Variants in PDCD4 observed in about 807,000 individuals in gnomAD.
PDCD4 encodes the protein programmed cell death 4, also known as programmed cell death protein 4.
A neutral mutation model predicts 54.0 loss-of-function variants in PDCD4; 56 were observed. The observed-to-expected ratio is 1.04, with a 90% CI of 0.84 to 1.30. The LOEUF (loss-of-function observed/expected upper bound fraction) is 1.30, where lower values mean the gene tolerates loss of function less well. Ranked by LOEUF, PDCD4 falls within the 50% of genes most tolerant of loss-of-function variation. The pLI is 0.00. For missense variants in PDCD4, 584 were observed against 559.8 expected, an observed-to-expected ratio of 1.04 and a Z score of -0.44; for synonymous variants, 186 against 194.8, an observed-to-expected ratio of 0.95 and a Z score of 0.37.
chr10:110,880,307 G>T (rs1845571201), intron 2 of PDCD4: 1 of 152,234 alleles, frequency 6.6e-6, no homozygotes. Context: ...TGAGCAATTA[G>T]TGTTCCTGTA....
intron 1 of PDCD4, among the ~76,000 whole-genome samples, chr10:110,875,191 A>G (rs1240956443): frequency 2.0e-5 from 3 of 152,164 alleles, no homozygotes; most frequent in African/African-American, 7.2e-5. Context: ...TTAATTGTCT[A>G]AAAGGTAACT....
At chr10:110,890,766 A>G (rs1409487889) in intron 8 of PDCD4, 96 bp downstream of exon 8, 1 of 611,482 alleles carries the variant, frequency 1.6e-6, no homozygotes, top group Non-Finnish European at 2.7e-6. Context: ...GACAAAAATT[A>G]AGTTCGGTCT....
At chr10:110,873,926 TTAAAA>T (rs1429712476) in intron 1 of PDCD4, among the ~76,000 whole-genome samples, 1 of 152,252 alleles carries the variant, frequency 6.6e-6, no homozygotes, top group Non-Finnish European at 1.5e-5. Context: ...GTATAATAGT[TTAAAA>T]TAATTATTTT....
intron 2 of PDCD4, 69 bp from the exon 3 acceptor site, chr10:110,881,164 A>G (rs1158738161): frequency 1.7e-6 from 2 of 1,151,464 alleles, no homozygotes; most frequent in Non-Finnish European, 2.5e-6. Context: ...AATCTAACTT[A>G]CCACTATATC....
chr10:110,880,218 A>G (rs1407203694), intron 2 of PDCD4: 1 of 152,266 alleles, frequency 6.6e-6, no homozygotes, highest in Non-Finnish European at 1.5e-5. Flanking sequence ...TCTCCTTTGA[A>G]GCTTATGACT....
rs929481066 is a variant in PDCD4 at position 110,881,281 on chromosome 10, C to G, written c.92C>G (p.Ala31Gly). 1 of 1,613,394 alleles carries G rather than the reference C, an allele frequency of 6.2e-7. No individual in the cohort carries two copies. Among genetic ancestry groups the G allele is most frequent in the Non-Finnish European group, 8.5e-7 (1 of 1,179,444 alleles). ...DSLFSGDEEN[A>G]GTEEIKNEIN... is the part of the protein sequence containing the mutation. Reference sequence around the variant, plus strand: ...CTCTTTTCCGGTGATGAAGAAAATGCTGGGACTGAGGAAATAAAGAATGAA... The same window carrying G: ...CTCTTTTCCGGTGATGAAGAAAATGGTGGGACTGAGGAAATAAAGAATGAA... The change falls in exon 3 of 12, where the codon GCT (alanine) becomes GGT (glycine). Residue 31 changes from alanine (A) to glycine (G), a missense_variant. Transcript: ENST00000280154.
intron 8 of PDCD4, among the ~76,000 whole-genome samples, chr10:110,891,426 A>AG (rs71035310): frequency 6.7e-6 from 1 of 149,938 alleles, no homozygotes; most frequent in African/African-American, 2.4e-5. Context: ...AAAAAAAAAA[A>AG]GCGATTTATT....
intron 7 of PDCD4, 46 bp from the exon 8 acceptor site, chr10:110,890,510 T>C (rs200393653): frequency 4.7e-6 from 5 of 1,066,432 alleles, no homozygotes; most frequent in Non-Finnish European, 7.0e-6. Context: ...TAGTAAACTT[T>C]AGGTATGTCC....
chr10:110,896,885 A>G (rs965321578), intron 11 of PDCD4, among the ~76,000 whole-genome samples: 1 of 152,206 alleles, frequency 6.6e-6, no homozygotes, highest in African/African-American at 2.4e-5. Flanking sequence ...TTAGAATTTT[A>G]GAAGCCATTA....
chr10:110,887,905 T>C lies in PDCD4; in HGVS notation c.777+19T>C. On this transcript the variant is annotated intron_variant, in intron 6 of 11. Coordinates refer to ENST00000280154, the MANE Select transcript of PDCD4 (RefSeq NM_014456.5). ...ACCACAGGTTTGTATGATTCTTCTTTTTGTTCATTCCCTCCCACTACTATA... is the reference window on the plus strand; with the variant it reads ...ACCACAGGTTTGTATGATTCTTCTTCTTGTTCATTCCCTCCCACTACTATA... The C allele has an allele frequency of 6.7e-7, 1 of 1,487,698 alleles. No homozygotes were observed. Among genetic ancestry groups the C allele is most frequent in the Non-Finnish European group, 9.4e-7 (1 of 1,066,130 alleles). 92.2% of individuals were successfully genotyped at this position (1,487,698 alleles called of 1,614,324 possible). A position where few individuals can be genotyped will look rare whatever the true frequency, so the allele number is the denominator to read the frequency against.
intron 5 of PDCD4, 42 bp downstream of exon 5, chr10:110,885,408 A>ATTATT: frequency 3.5e-6 from 3 of 864,340 alleles, no homozygotes; most frequent in Non-Finnish European, 5.6e-6. Context: ...AATATAGGAG[A>ATTATT]GAAGACATCT....
Position 110,883,061 on chromosome 10 carries a change from G to A in PDCD4, c.405G>A (p.Glu135=), listed in dbSNP as rs1184600815. Residue 135 remains glutamate, a synonymous_variant, in exon 4 of 12, where the codon GAG becomes GAA. Coordinates refer to ENST00000280154, the MANE Select transcript of PDCD4 (RefSeq NM_014456.5). ...GTPGQVYDVE[E]VDVKDPNYDD... ...CTGGACAGGTGTATGATGTGGAGGA[G>A]GTGGATGTGAAAGATCCTAACTATG... 1 of 1,597,200 alleles carries A rather than the reference G, an allele frequency of 6.3e-7. No individual in the cohort carries two copies. Among genetic ancestry groups the A allele is most frequent in the Non-Finnish European group, 8.5e-7 (1 of 1,173,584 alleles).
chr10:110,879,428 A>T (rs1332913289), intron 2 of PDCD4, among the ~76,000 whole-genome samples: 1 of 152,158 alleles, frequency 6.6e-6, no homozygotes, highest in Admixed American at 6.5e-5. Context: ...GCACTTTGGG[A>T]GGCCGACGTA....
At chr10:110,872,655 G>T (rs936836413) in intron 1 of PDCD4, among the ~76,000 whole-genome samples, 38 of 152,216 alleles carry the variant, frequency 2.5e-4, no homozygotes, top group Admixed American at 2.2e-3. Context: ...CGCCGGGGGC[G>T]CTGGGAGGCG....
chr10:110,873,597 G>GA (rs1033521683), intron 1 of PDCD4, among the ~76,000 whole-genome samples: 14 of 152,196 alleles, frequency 9.2e-5, no homozygotes, highest in African/African-American at 2.6e-4. Flanking sequence ...TTTTCTCATC[G>GA]AAAATTCATT....
chr10:110,874,094 A>G (rs1845465636), intron 1 of PDCD4, among the ~76,000 whole-genome samples: 1 of 152,208 alleles, frequency 6.6e-6, no homozygotes, highest in Admixed American at 6.5e-5. Flanking sequence ...CTGGATTCTC[A>G]TCCTGGCTGT....
intron 8 of PDCD4, among the ~76,000 whole-genome samples, chr10:110,892,446 A>C (rs544185666): frequency 6.6e-5 from 10 of 152,244 alleles, no homozygotes; most frequent in African/African-American, 1.2e-4. Context: ...GGATCAAAGA[A>C]GACTTTTAGA....
At position 110,898,049 on chromosome 10, in the gene PDCD4, CGAA is replaced by C; in HGVS notation, c.1373_1375del (p.Glu458del). 1 of 1,585,316 alleles carries C rather than the reference CGAA, an allele frequency of 6.3e-7. No individual in the cohort carries two copies. Among genetic ancestry groups the C allele is most frequent in the Non-Finnish European group, 8.6e-7 (1 of 1,163,908 alleles). On this transcript the variant is annotated inframe_deletion, in exon 12 of 12. Coordinates refer to ENST00000280154, the MANE Select transcript of PDCD4 (RefSeq NM_014456.5). ...ACAGGGGCAGAAAGCGTTTTGTAAG[CGAA>C]GGAGATGGAGGTCGTCTTAAACCAG...
chr10:110,873,218 G>T (rs1312035141), intron 1 of PDCD4, among the ~76,000 whole-genome samples: 1 of 152,086 alleles, frequency 6.6e-6, no homozygotes, highest in Non-Finnish European at 1.5e-5. Context: ...TAATGTGAAA[G>T]GAAAAAATAT....
Sources: allele counts gnomAD v4.1 joint callset (sites outside exome capture counted in the v4.1 genomes callset), GRCh38; gene constraint gnomAD v4.1.1; transcripts MANE v1.5; gene names NCBI Gene and HGNC (gene_info 2026-07-23, HGNC 2026-07-21).